CDC42BPA: variants seen among roughly 807,000 people sequenced by gnomAD.
CDC42BPA encodes the protein CDC42 binding protein kinase alpha, also known as serine/threonine-protein kinase MRCK alpha.
Under a neutral mutation model 223.5 loss-of-function variants are expected in CDC42BPA, and 80 were observed. The observed-to-expected ratio is 0.36, with a 90% CI of 0.30 to 0.43. The LOEUF (loss-of-function observed/expected upper bound fraction) is 0.43, where lower values mean the gene tolerates loss of function less well. Ranked by LOEUF, CDC42BPA falls within the 20% of genes least tolerant of loss-of-function variation. CDC42BPA has a pLI of 1.00. For synonymous variants in CDC42BPA, 694 were observed against 718.6 expected (o/e 0.97, Z 0.55); for missense variants, 1,743 against 2,099.9 (o/e 0.83, Z 3.32).
rs1348997698 is a variant in CDC42BPA, at chr1:227,080,883, G to T, written c.2480+10C>A. 6.2e-7 allele frequency: 1 copy of T among 1,613,086 alleles called. No individual in the cohort carries two copies. The highest frequency in any genetic ancestry group is 8.5e-7 in the Non-Finnish European group (1 of 1,179,732). ...ATCATCCACAAAAAAACGTTTAAAA[G>T]AGCACTCACCACTGAATTATTTCTG... On this transcript the variant is annotated intron_variant, in intron 17 of 36. Coordinates refer to ENST00000366766, the MANE Select transcript of CDC42BPA (RefSeq NM_001394014.1).
At chr1:227,006,083 T>C (rs1398586727) in intron 34 of CDC42BPA, among the ~76,000 whole-genome samples, 1 of 152,218 alleles carries the variant, frequency 6.6e-6, no homozygotes, top group East Asian at 1.9e-4. Context: ...ATATACCATG[T>C]TATTAACATC....
At chr1:227,113,901 C>T (rs1345577448) in intron 12 of CDC42BPA, among the ~76,000 whole-genome samples, 1 of 149,300 alleles carries the variant, frequency 6.7e-6, no homozygotes, top group Admixed American at 6.7e-5. Flanking sequence ...GTGGTATGCA[C>T]CTATAGTCGT....
chr1:227,268,779 G>A (rs1685499666), intron 1 of CDC42BPA, among the ~76,000 whole-genome samples: 2 of 151,254 alleles, frequency 1.3e-5, no homozygotes, highest in Admixed American at 6.6e-5. Context: ...TCAACCTCCT[G>A]GGCTGAAACA....
chr1:227,170,450 T>G (rs1240105816), intron 5 of CDC42BPA, among the ~76,000 whole-genome samples: 1 of 139,792 alleles, frequency 7.2e-6, no homozygotes, highest in Non-Finnish European at 1.5e-5. Context: ...TTCAGACTCA[T>G]GAGCAAAAAA....
At chr1:227,043,126 T>A (rs961487150) in intron 23 of CDC42BPA, among the ~76,000 whole-genome samples, 1 of 152,116 alleles carries the variant, frequency 6.6e-6, no homozygotes, top group African/African-American at 2.4e-5. Flanking sequence ...AGAAATTAAA[T>A]TTTCTGGCCA....
At chr1:227,086,801 G>A (rs1443028697) in intron 16 of CDC42BPA, among the ~76,000 whole-genome samples, 1 of 151,436 alleles carries the variant, frequency 6.6e-6, no homozygotes, top group Non-Finnish European at 1.5e-5. Flanking sequence ...CCAGGTAACT[G>A]GGACTACAGG....
intron 2 of CDC42BPA, among the ~76,000 whole-genome samples, chr1:227,242,742 G>C (rs1392455978): frequency 6.6e-6 from 1 of 152,042 alleles, no homozygotes; most frequent in African/African-American, 2.4e-5. Context: ...AGTGAAACAT[G>C]AACAAGACAT....
At chr1:227,065,168 T>C (rs562722853) in intron 21 of CDC42BPA, among the ~76,000 whole-genome samples, 17 of 152,124 alleles carry the variant, frequency 1.1e-4, no homozygotes, top group African/African-American at 3.9e-4. Flanking sequence ...ATATTTTACA[T>C]AACAATGTAT....
Position 227,254,121 on chromosome 1 carries a change from T to C in CDC42BPA, c.213A>G (p.Arg71=). Residue 71 remains arginine, a synonymous_variant, in exon 2 of 37, where the codon CGA becomes CGG. Coordinates refer to ENST00000366766, the MANE Select transcript of CDC42BPA (RefSeq NM_001394014.1). ...ATATTTCAAAGTCTTCTCTATGTAATCGCATTTGTTTCACTTTAGAAGTAA... is the reference window on the plus strand; with the variant it reads ...ATATTTCAAAGTCTTCTCTATGTAACCGCATTTGTTTCACTTTAGAAGTAA... The part of the protein sequence containing the change: ...KPFTSKVKQM[R]LHREDFEILK... The C allele has an allele frequency of 6.3e-7, 1 of 1,598,490 alleles. No individual in the cohort carries two copies. The highest frequency in any genetic ancestry group is 8.5e-7 in the Non-Finnish European group (1 of 1,170,812).
Position 227,147,570 on chromosome 1 carries a change from T to G in CDC42BPA, c.694-11A>C, listed in dbSNP as rs1021347253. 5 of 1,512,822 alleles carry G rather than the reference T, an allele frequency of 3.3e-6. No individual in the cohort carries two copies. Among genetic ancestry groups the G allele is most frequent in the Non-Finnish European group, 4.5e-6 (5 of 1,116,152 alleles). The allele number at this position is 1,512,822 out of a possible 1,614,324, so 93.7% of individuals were successfully genotyped here. A position where few individuals can be genotyped will look rare whatever the true frequency, so the allele number is the denominator to read the frequency against. ...CACTGAGGACTGAACCTGAAGAAAT[T>G]TACATTTTTATTAATCTCCTATATT... On this transcript the variant is annotated splice_polypyrimidine_tract_variant and intron_variant, in intron 6 of 36. Transcript: ENST00000366766.
At chr1:227,280,605 C>T (rs1028196017) in intron 1 of CDC42BPA, among the ~76,000 whole-genome samples, 3 of 152,196 alleles carry the variant, frequency 2.0e-5, no homozygotes, top group Admixed American at 2.0e-4. Context: ...AGTCTTCACG[C>T]ACCAAGGATA....
intron 1 of CDC42BPA, among the ~76,000 whole-genome samples, chr1:227,255,373 C>G (rs1004619588): frequency 6.6e-6 from 1 of 152,118 alleles, no homozygotes; most frequent in Non-Finnish European, 1.5e-5. Flanking sequence ...TAACTAGCTT[C>G]GAAAACGGGT....
At chr1:227,138,843 G>C (rs1659149738) in intron 10 of CDC42BPA, among the ~76,000 whole-genome samples, 1 of 152,054 alleles carries the variant, frequency 6.6e-6, no homozygotes, top group African/African-American at 2.4e-5. Flanking sequence ...TAGATTTGAA[G>C]GTATATGCCA....
intron 15 of CDC42BPA, among the ~76,000 whole-genome samples, chr1:227,098,752 C>T (rs1684458266): frequency 6.6e-6 from 1 of 151,712 alleles, no homozygotes; most frequent in Non-Finnish European, 1.5e-5. Flanking sequence ...GCTTGGATTA[C>T]TTCAATCGTC....
intron 34 of CDC42BPA, among the ~76,000 whole-genome samples, chr1:227,006,019 G>C (rs543940391): frequency 6.6e-6 from 1 of 152,320 alleles, no homozygotes; most frequent in Middle Eastern, 3.4e-3. Flanking sequence ...CACAAGTCCA[G>C]AGGAGGGAAA....
chr1:227,192,081 C>T (rs984279992), intron 5 of CDC42BPA, among the ~76,000 whole-genome samples: 3 of 151,768 alleles, frequency 2.0e-5, no homozygotes, highest in African/African-American at 7.3e-5. Flanking sequence ...TAGGCAAAAG[C>T]CAAACAGAGA....
intron 11 of CDC42BPA, among the ~76,000 whole-genome samples, chr1:227,128,761 C>T (rs1039249600): frequency 6.6e-6 from 1 of 152,168 alleles, no homozygotes; most frequent in Non-Finnish European, 1.5e-5. Flanking sequence ...TTTTCCTCTC[C>T]TCACAAATAT....
At position 227,028,879 on chromosome 1, in the gene CDC42BPA, T is replaced by G; in HGVS notation, c.4210A>C (p.Arg1404=). 6.2e-7 allele frequency: 1 copy of G among 1,613,768 alleles called. No homozygotes were observed. The highest frequency in any genetic ancestry group is 8.5e-7 in the Non-Finnish European group (1 of 1,179,690). The change falls in exon 30 of 37, where the codon AGA becomes CGA. Residue 1404 remains arginine (R), a synonymous_variant. Coordinates refer to ENST00000366766, the MANE Select transcript of CDC42BPA (RefSeq NM_001394014.1). ...LCVGFQSGFL[R]YPLNGEGNPY... ...TTTCCTTCTCCATTCAAGGGGTATC[T>G]TAGAAATCCTGACTGGAATCCCACA...
intron 7 of CDC42BPA, 47 bp downstream of exon 7, chr1:227,147,312 A>G: frequency 7.5e-7 from 1 of 1,340,540 alleles, no homozygotes; most frequent in Non-Finnish European, 1.0e-6. Flanking sequence ...GTTTTATTAT[A>G]TGTGTTATTT....
Sources: allele counts gnomAD v4.1 joint callset (sites outside exome capture counted in the v4.1 genomes callset), GRCh38; gene constraint gnomAD v4.1.1; transcripts MANE v1.5; gene names NCBI Gene and HGNC (gene_info 2026-07-23, HGNC 2026-07-21).